NAALADL2: variants seen among roughly 807,000 people sequenced by gnomAD.
NAALADL2 encodes the protein inactive N-acetylated-alpha-linked acidic dipeptidase-like protein 2.
A neutral mutation model predicts 87.2 loss-of-function variants in NAALADL2; 76 were observed. The observed-to-expected ratio is 0.87, with a 90% CI of 0.72 to 1.05. The LOEUF (loss-of-function observed/expected upper bound fraction) is 1.05. Ranked by LOEUF, NAALADL2 falls within the 50% of genes least tolerant of loss-of-function variation. The probability of loss-of-function intolerance (pLI) is 0.00; values close to 1 mark genes in which losing one functional copy is unlikely to be tolerated. For missense variants in NAALADL2, 1,089 were observed against 945.8 expected (o/e 1.15, Z -1.99); for synonymous variants, 354 against 331.0 (o/e 1.07, Z -0.75).
At position 175,803,107 on chromosome 3, in the gene NAALADL2, A is replaced by C. The variant is rs549849310; in HGVS notation, c.2292A>C (p.Glu764Asp). The C allele has an allele frequency of 1.2e-6, 2 of 1,612,572 alleles. No individual in the cohort carries two copies. Among genetic ancestry groups the C allele is most frequent in the Middle Eastern group, 1.7e-4 (1 of 6,056 alleles). Reference sequence around the variant, plus strand: ...TTGCATCAAATGAGACCCTTCAAGAAGCCCTGTCAGAGGTGTTGAACAGCA... The same window carrying C: ...TTGCATCAAATGAGACCCTTCAAGACGCCCTGTCAGAGGTGTTGAACAGCA... ...KPLASNETLQ[E>D]ALSEVLNSIN... Residue 764 changes from glutamate (E) to aspartate (D), a missense_variant, in exon 14 of 14, where the codon GAA (glutamate) becomes GAC (aspartate). Transcript: ENST00000454872.
At chr3:174,838,021 G>GAAAAAAAAAAA (rs77681462) in intron 3 of NAALADL2, among the ~76,000 whole-genome samples, 3 of 71,936 alleles carry the variant, frequency 4.2e-5, no homozygotes, top group African/African-American at 9.6e-5. Context: ...AACCAAAAAA[G>GAAAAAAAAAAA]AAAAAAAAAA....
chr3:175,376,908 AG>A (rs1316874947), intron 5 of NAALADL2, among the ~76,000 whole-genome samples: 1 of 152,054 alleles, frequency 6.6e-6, no homozygotes, highest in East Asian at 1.9e-4. Context: ...AATCCCTCCC[AG>A]TAAATTTTTC....
chr3:175,128,157 G>A (rs1228145932), intron 2 of NAALADL2, among the ~76,000 whole-genome samples: 1 of 152,098 alleles, frequency 6.6e-6, no homozygotes, highest in African/African-American at 2.4e-5. Flanking sequence ...TTATTGGAAG[G>A]CAAAATATAA....
chr3:175,693,710 T>G (rs1737354642), intron 11 of NAALADL2, among the ~76,000 whole-genome samples: 1 of 152,170 alleles, frequency 6.6e-6, no homozygotes. Context: ...TTGGTTGGTT[T>G]GTTCGTTTTG....
At chr3:175,034,470 T>G (rs1753171196) in intron 1 of NAALADL2, among the ~76,000 whole-genome samples, 1 of 152,160 alleles carries the variant, frequency 6.6e-6, no homozygotes, top group Non-Finnish European at 1.5e-5. Flanking sequence ...TAGAACTGTT[T>G]CCTTGTATAG....
intron 4 of NAALADL2, among the ~76,000 whole-genome samples, 200 bp from the exon 5 acceptor site, chr3:175,323,975 G>A (rs1483533255): frequency 7.1e-6 from 1 of 141,250 alleles, no homozygotes; most frequent in Non-Finnish European, 1.5e-5. Flanking sequence ...CTGAGATCAC[G>A]CTACTGCACT....
At chr3:174,793,303 T>C (rs1717686093) in intron 3 of NAALADL2, among the ~76,000 whole-genome samples, 1 of 152,282 alleles carries the variant, frequency 6.6e-6, no homozygotes, top group Admixed American at 6.5e-5. Context: ...GATTTTATTG[T>C]TTAACAATAC....
intron 1 of NAALADL2, among the ~76,000 whole-genome samples, chr3:174,462,910 C>T (rs73881169): frequency 0.029 from 4,455 of 152,232 alleles, 203 homozygotes; most frequent in African/African-American, 0.1. Context: ...ATCCTCTTTG[C>T]TTCATTGTCA....
intron 9 of NAALADL2, among the ~76,000 whole-genome samples, chr3:175,550,214 A>G (rs1714116102): frequency 6.6e-6 from 1 of 152,164 alleles, no homozygotes; most frequent in Admixed American, 6.5e-5. Context: ...TACTGTCAAC[A>G]TGATATTTTA....
At chr3:175,292,248 G>A (rs186260798) in intron 4 of NAALADL2, among the ~76,000 whole-genome samples, 2 of 152,260 alleles carry the variant, frequency 1.3e-5, no homozygotes, top group Admixed American at 1.3e-4. Flanking sequence ...AAAATGAAAA[G>A]CAAAACCCAG....
chr3:174,760,801 G>A (rs911879796), intron 3 of NAALADL2, among the ~76,000 whole-genome samples: 1 of 152,214 alleles, frequency 6.6e-6, no homozygotes, highest in African/African-American at 2.4e-5. Flanking sequence ...CTTTGTCACA[G>A]CTAGTTAAAC....
At chr3:175,305,742 A>C (rs1276409219) in intron 4 of NAALADL2, among the ~76,000 whole-genome samples, 1 of 152,056 alleles carries the variant, frequency 6.6e-6, no homozygotes, top group Admixed American at 6.5e-5. Flanking sequence ...GGCTGGTATC[A>C]AACTCCTGAC....
intron 2 of NAALADL2, among the ~76,000 whole-genome samples, chr3:174,720,943 A>G (rs375652934): frequency 6.6e-6 from 1 of 152,222 alleles, no homozygotes; most frequent in African/African-American, 2.4e-5. Flanking sequence ...TTGACTTTAA[A>G]ACGATTTTTT....
intron 2 of NAALADL2, among the ~76,000 whole-genome samples, chr3:175,159,791 G>C (rs1048878209): frequency 6.7e-6 from 1 of 150,298 alleles, no homozygotes; most frequent in Non-Finnish European, 1.5e-5. Flanking sequence ...CTCCCTCCCT[G>C]CCTCCCTCCC....
chr3:174,972,443 T>G (rs1381174841), intron 1 of NAALADL2, among the ~76,000 whole-genome samples: 1 of 152,172 alleles, frequency 6.6e-6, no homozygotes, highest in African/African-American at 2.4e-5. Flanking sequence ...TTCCTCGGCT[T>G]ACAGATGACC....
intron 1 of NAALADL2, among the ~76,000 whole-genome samples, chr3:175,078,668 G>T: frequency 6.6e-6 from 1 of 152,162 alleles, no homozygotes; most frequent in East Asian, 1.9e-4. Flanking sequence ...GGACTTAAAT[G>T]TAAATAAAAG....
chr3:175,355,026 G>A (rs1470969444), intron 5 of NAALADL2, among the ~76,000 whole-genome samples: 25 of 32,208 alleles, frequency 7.8e-4, no homozygotes, highest in African/African-American at 1.4e-3. Flanking sequence ...ATATATATGT[G>A]TGTGTGTGTG....
chr3:175,029,982 A>G (rs561291487), intron 1 of NAALADL2, among the ~76,000 whole-genome samples: 1 of 152,204 alleles, frequency 6.6e-6, no homozygotes, highest in South Asian at 2.1e-4. Flanking sequence ...GACATTGACT[A>G]TAATTGAGGA....
chr3:175,430,156 T>C (rs890967333), intron 5 of NAALADL2, among the ~76,000 whole-genome samples: 3 of 151,950 alleles, frequency 2.0e-5, no homozygotes, highest in Non-Finnish European at 2.9e-5. Flanking sequence ...GATCCTTTCA[T>C]CTTTAATATT....
Sources: gnomAD v4.1 joint callset for allele counts (sites outside exome capture counted in the v4.1 genomes callset) on GRCh38, gnomAD v4.1.1 for gene constraint, MANE v1.5 for transcripts, NCBI Gene and HGNC (gene_info 2026-07-23, HGNC 2026-07-21) for gene names.